The following RARB variants were observed in gnomAD, a reference collection of about 807,000 sequenced individuals.
RARB encodes the protein retinoic acid receptor beta.
RARB carries 17 observed loss-of-function variants against 51.9 expected under a neutral mutation model. The observed-to-expected ratio is 0.33, with a 90% CI of 0.22 to 0.49. The LOEUF (loss-of-function observed/expected upper bound fraction) is 0.49. RARB is among the 20% of genes least tolerant of loss of function. The pLI is 0.99. For synonymous variants in RARB, 215 were observed against 195.4 expected (o/e 1.10, Z -0.84); for missense variants, 369 against 550.8 (o/e 0.67, Z 3.30).
chr3:25,442,285 G>A (rs1034630587), intron 1 of RARB, among the ~76,000 whole-genome samples: 4 of 152,040 alleles, frequency 2.6e-5, no homozygotes, highest in Middle Eastern at 3.4e-3. Flanking sequence ...ACAGGAGCGC[G>A]CTACCACGCC....
intron 5 of RARB, among the ~76,000 whole-genome samples, chr3:25,581,172 C>T (rs1029284085): frequency 2.6e-5 from 4 of 152,182 alleles, no homozygotes; most frequent in African/African-American, 7.2e-5. Context: ...GACCTCTCTC[C>T]TCCTAAGTGG....
intron 2 of RARB, among the ~76,000 whole-genome samples, chr3:24,963,551 G>A (rs1001799277): frequency 1.3e-5 from 2 of 151,078 alleles, no homozygotes; most frequent in Non-Finnish European, 2.9e-5. Flanking sequence ...CCCAAATTCA[G>A]GAAGCAGAAT....
chr3:25,074,119 C>G (rs1034744698), intron 3 of RARB, among the ~76,000 whole-genome samples: 2 of 152,108 alleles, frequency 1.3e-5, no homozygotes, highest in Non-Finnish European at 2.9e-5. Context: ...CTAAACTAAA[C>G]CAGGGATCAA....
intron 1 of RARB, among the ~76,000 whole-genome samples, chr3:24,830,872 T>A (rs943410663): frequency 2.6e-5 from 4 of 152,062 alleles, no homozygotes; most frequent in Non-Finnish European, 4.4e-5. Flanking sequence ...GATTTATAAA[T>A]TAATTTTTAA....
At chr3:24,895,047 TTGATA>T (rs1478684877) in intron 2 of RARB, among the ~76,000 whole-genome samples, 13 of 152,216 alleles carry the variant, frequency 8.5e-5, no homozygotes, top group Admixed American at 8.5e-4. Context: ...ATAGAAATGA[TTGATA>T]TAAGACTTAA....
At chr3:24,885,471 AT>A (rs1466975785) in intron 2 of RARB, among the ~76,000 whole-genome samples, 1 of 152,096 alleles carries the variant, frequency 6.6e-6, no homozygotes, top group Non-Finnish European at 1.5e-5. Flanking sequence ...TAAATGGAGA[AT>A]TTTCATGGAG....
intron 2 of RARB, among the ~76,000 whole-genome samples, chr3:24,898,887 G>T (rs1242236806): frequency 2.0e-5 from 3 of 152,018 alleles, no homozygotes; most frequent in Non-Finnish European, 2.9e-5. Flanking sequence ...TTTTTGGAAG[G>T]GTTGTGTTTC....
intron 5 of RARB, among the ~76,000 whole-genome samples, chr3:25,293,724 T>C (rs1181982062): frequency 6.6e-6 from 1 of 151,854 alleles, no homozygotes; most frequent in African/African-American, 2.4e-5. Flanking sequence ...TAAATGGAAA[T>C]GTCTCAGGTT....
At position 25,593,676 on chromosome 3, in the gene RARB, C is replaced by A. The variant is rs775637491; in HGVS notation, c.960C>A (p.Gly320=). 4.6e-5 allele frequency: 75 copies of A among 1,613,936 alleles called. 4 individuals are homozygous for A. In the Middle Eastern group the frequency reaches 7.4e-3, roughly 159 times the overall value. ...TGGAAATGGATGACACAGAAACAGG[C>A]CTTCTCAGTGCCATCTGCTTAATCT... ...LPLEMDDTET[G]LLSAICLICG... Residue 320 remains glycine, a synonymous_variant, in exon 6 of 8, where the codon GGC becomes GGA. Coordinates refer to ENST00000330688, the MANE Select transcript of RARB (RefSeq NM_000965.5).
At chr3:25,251,450 A>G (rs1702717734) in intron 5 of RARB, among the ~76,000 whole-genome samples, 2 of 152,004 alleles carry the variant, frequency 1.3e-5, no homozygotes, top group South Asian at 4.2e-4. Context: ...CTTTCAAACT[A>G]TTTTCCAAAG....
chr3:25,487,103 T>C (rs1385925840), intron 2 of RARB, among the ~76,000 whole-genome samples: 1 of 152,108 alleles, frequency 6.6e-6, no homozygotes, highest in Non-Finnish European at 1.5e-5. Flanking sequence ...ATGTGAGGTG[T>C]CTGGTGTCCC....
rs1575549215 is a variant in RARB, at chr3:25,592,514, A to T, written c.787-989A>T. Among the ~76,000 whole-genome samples, 4 of 152,338 alleles carry T rather than the reference A, an allele frequency of 2.6e-5. No homozygotes were observed. In the South Asian group the frequency reaches 8.3e-4, roughly 32 times the overall value. The stretch of plus-strand genomic sequence containing the variant: ...TCTGCAATGCACGGAGCTCCTTACC[A>T]GCATTTAGGCTTAATAGGGCAGTGG... On this transcript the variant is annotated intron_variant, in intron 5 of 7. Coordinates refer to ENST00000330688, the MANE Select transcript of RARB (RefSeq NM_000965.5).
intron 3 of RARB, among the ~76,000 whole-genome samples, chr3:25,541,898 C>T (rs956100195): frequency 1.3e-5 from 2 of 152,160 alleles, no homozygotes; most frequent in Admixed American, 1.3e-4. Context: ...CTCTGCTATT[C>T]GTTTCGTGGG....
intron 3 of RARB, among the ~76,000 whole-genome samples, chr3:25,546,541 C>T (rs1017277551): frequency 2.0e-5 from 3 of 152,060 alleles, no homozygotes; most frequent in African/African-American, 7.2e-5. Context: ...GAATGGGGAT[C>T]AGAATGTCAG....
chr3:25,209,001 C>T (rs1297042248), intron 5 of RARB, among the ~76,000 whole-genome samples: 1 of 152,232 alleles, frequency 6.6e-6, no homozygotes, highest in African/African-American at 2.4e-5. Flanking sequence ...AAACATGAAG[C>T]ATGGCTCCCT....
chr3:25,070,536 C>A (rs1395189449), intron 3 of RARB, among the ~76,000 whole-genome samples: 2 of 79,630 alleles, frequency 2.5e-5, no homozygotes, highest in African/African-American at 8.0e-5. Context: ...ATAAGACCCC[C>A]CACCCATTGT....
intron 5 of RARB, among the ~76,000 whole-genome samples, chr3:25,203,732 T>G (rs1201933054): frequency 1.3e-5 from 2 of 152,374 alleles, no homozygotes; most frequent in African/African-American, 4.8e-5. Flanking sequence ...TTGAAAATTC[T>G]TTTCTTTAAG....
chr3:25,492,210 T>A (rs1696775030), intron 2 of RARB, among the ~76,000 whole-genome samples: 1 of 152,206 alleles, frequency 6.6e-6, no homozygotes, highest in Non-Finnish European at 1.5e-5. Context: ...GTTTTGATAA[T>A]CAGACCTATA....
chr3:24,856,699 G>A (rs183461082), intron 1 of RARB, among the ~76,000 whole-genome samples: 7 of 152,156 alleles, frequency 4.6e-5, no homozygotes, highest in Admixed American at 1.3e-4. Context: ...ATTTGCCTTG[G>A]GGAACCAAAA....
Sources: gnomAD v4.1 joint callset for allele counts (sites outside exome capture counted in the v4.1 genomes callset) on GRCh38, gnomAD v4.1.1 for gene constraint, MANE v1.5 for transcripts, NCBI Gene and HGNC (gene_info 2026-07-23, HGNC 2026-07-21) for gene names.